ARHGAP5: variants seen among roughly 807,000 people sequenced by gnomAD.
ARHGAP5 encodes the protein rho GTPase-activating protein 5.
Under a neutral mutation model 116.6 loss-of-function variants are expected in ARHGAP5, and 23 were observed. The ratio of observed to expected loss-of-function variants is 0.20; its 90% CI spans 0.14 to 0.28. The LOEUF (loss-of-function observed/expected upper bound fraction) is 0.28, where lower values mean the gene tolerates loss of function less well. Among genes scored for constraint, ARHGAP5 ranks in the 10% least tolerant of loss-of-function variants. The pLI is 1.00. For missense variants in ARHGAP5, 1,405 were observed against 1,774.8 expected, an observed-to-expected ratio of 0.79 and a Z score of 3.74; for synonymous variants, 574 against 602.0, an observed-to-expected ratio of 0.95 and a Z score of 0.68.
chr14:32,125,191 G>T (rs1880083993), intron 3 of ARHGAP5, among the ~76,000 whole-genome samples: 1 of 152,100 alleles, frequency 6.6e-6, no homozygotes, highest in South Asian at 2.1e-4. Flanking sequence ...CCAGTCCCTG[G>T]CAGTAACCAA....
At chr14:32,115,833 C>T (rs1279405089) in intron 2 of ARHGAP5, among the ~76,000 whole-genome samples, 1 of 137,914 alleles carries the variant, frequency 7.3e-6, no homozygotes, top group Non-Finnish European at 1.5e-5. Flanking sequence ...AAAAAATTAG[C>T]TGGGCTTGGT....
intron 2 of ARHGAP5, among the ~76,000 whole-genome samples, chr14:32,094,672 A>G (rs903710740): frequency 8.6e-5 from 13 of 151,978 alleles, no homozygotes; most frequent in Admixed American, 6.6e-4. Context: ...TAATTTTTCC[A>G]TTTGTAATCA....
intron 2 of ARHGAP5, among the ~76,000 whole-genome samples, chr14:32,102,249 G>C (rs1335635798): frequency 6.6e-6 from 1 of 152,228 alleles, no homozygotes; most frequent in East Asian, 1.9e-4. Flanking sequence ...GTGTTCAAAA[G>C]AATGAGAAAG....
At chr14:32,149,587 A>AT (rs1202544889) in intron 4 of ARHGAP5, among the ~76,000 whole-genome samples, 1 of 151,964 alleles carries the variant, frequency 6.6e-6, no homozygotes, top group Non-Finnish European at 1.5e-5. Context: ...CCTGGCCAAC[A>AT]TGGTGAAACC....
intron 4 of ARHGAP5, among the ~76,000 whole-genome samples, chr14:32,149,689 T>C (rs954297595): frequency 8.6e-5 from 13 of 151,992 alleles, no homozygotes; most frequent in African/African-American, 3.1e-4. Context: ...GGAGAATTGC[T>C]TTGAACCCGG....
At chr14:32,077,664 G>A (rs1246198715) in intron 1 of ARHGAP5, among the ~76,000 whole-genome samples, 1 of 152,102 alleles carries the variant, frequency 6.6e-6, no homozygotes, top group East Asian at 1.9e-4. Context: ...CAGAGAGGCC[G>A]GGGGAGGGGG....
At chr14:32,127,714 G>A (rs554388031) in intron 3 of ARHGAP5, among the ~76,000 whole-genome samples, 211 of 152,200 alleles carry the variant, frequency 1.4e-3, no homozygotes, top group African/African-American at 4.6e-3. Context: ...GGTGGCGGCC[G>A]GGCAGAGGGG....
intron 3 of ARHGAP5, 114 bp downstream of exon 3, chr14:32,117,401 T>C (rs1226082132): frequency 7.3e-6 from 7 of 964,974 alleles, no homozygotes; most frequent in Non-Finnish European, 1.0e-5. Flanking sequence ...TAGGATTATT[T>C]AGTATTAACT....
At chr14:32,118,211 A>T (rs1250460537) in intron 3 of ARHGAP5, among the ~76,000 whole-genome samples, 1 of 152,182 alleles carries the variant, frequency 6.6e-6, no homozygotes, top group African/African-American at 2.4e-5. Context: ...AGTCTTAATG[A>T]GAGGGTAGAA....
chr14:32,093,085 A>G lies in ARHGAP5; in HGVS notation c.2416A>G (p.Ser806Gly). Residue 806 changes from serine to glycine, a missense_variant, in exon 2 of 7, where the codon AGT becomes GGT. Coordinates refer to ENST00000345122, the MANE Select transcript of ARHGAP5 (RefSeq NM_001030055.2). ...ACCCTTCCTTGATTCTCATTCTTGC[A>G]GTGCTGCTCAAGCTGGACAGAATAA... ...LSPFLDSHSC[S>G]AAQAGQNNSL... The G allele has an allele frequency of 4.3e-6, 7 of 1,614,018 alleles. No homozygotes were observed. Among genetic ancestry groups the G allele is most frequent in the Non-Finnish European group, 5.9e-6 (7 of 1,179,936 alleles).
chr14:32,132,033 C>T (rs984003438), intron 3 of ARHGAP5, among the ~76,000 whole-genome samples: 24 of 152,036 alleles, frequency 1.6e-4, no homozygotes, highest in Admixed American at 8.5e-4. Context: ...TGAATAGTGC[C>T]GCAATAAACA....
chr14:32,133,792 AG>A lies in ARHGAP5; in HGVS notation c.3866-12468del, dbSNP rs773459669. 9.9e-5 allele frequency among the ~76,000 whole-genome samples: 15 copies of A among 152,206 alleles called. 1 individual carries two copies. Among genetic ancestry groups the A allele is most frequent in the Admixed American group, 5.2e-4 (8 of 15,282 alleles). On this transcript the variant is annotated intron_variant, in intron 3 of 6. Transcript: ENST00000345122. Reference sequence around the variant, plus strand: ...AATTTATTGAGAGTTTTTAGCATGAAGGGTTTTTGAATTTTGTCAAAGGCCT... The same window carrying A: ...AATTTATTGAGAGTTTTTAGCATGAAGGTTTTTGAATTTTGTCAAAGGCCT...
intron 3 of ARHGAP5, among the ~76,000 whole-genome samples, chr14:32,139,587 C>G (rs943542403): frequency 7.9e-5 from 12 of 151,974 alleles, no homozygotes; most frequent in Admixed American, 2.6e-4. Flanking sequence ...TAATTGGAGT[C>G]TTCTCTTTTT....
intron 1 of ARHGAP5, among the ~76,000 whole-genome samples, chr14:32,079,404 AT>A (rs1310658786): frequency 6.6e-6 from 1 of 152,142 alleles, no homozygotes; most frequent in Admixed American, 6.5e-5. Context: ...GACCTTAGCA[AT>A]TTTTAAAATG....
chr14:32,093,637 C>T lies in ARHGAP5; in HGVS notation c.2968C>T (p.Pro990Ser). The T allele has an allele frequency of 1.2e-6, 2 of 1,613,848 alleles. No individual in the cohort carries two copies. The highest frequency in any genetic ancestry group is 1.7e-6 in the Non-Finnish European group (2 of 1,179,894). ...DSDDDTEAPP[P>S]YSPIGDDVQL... ...AGATGATGACACAGAAGCACCACCT[C>T]CTTATAGTCCAATTGGGGATGATGT... Residue 990 changes from proline to serine, a missense_variant, in exon 2 of 7, where the codon CCT becomes TCT. By Grantham distance (74) the Pro-to-Ser change is moderately conservative. Coordinates refer to ENST00000345122, the MANE Select transcript of ARHGAP5 (RefSeq NM_001030055.2).
rs1225920766 is a variant in ARHGAP5, at chr14:32,159,138, A to G, written c.*4190A>G. On this transcript the variant is annotated 3_prime_UTR_variant, in exon 7 of 7. Transcript: ENST00000345122. ...ACCAATGATAATTAGCATTTTAGTT[A>G]ATACTAAATGCATAAAATTATAACC... 1.3e-5 allele frequency: 2 copies of G among 152,128 alleles called. No homozygotes were observed. Among genetic ancestry groups the G allele is most frequent in the Non-Finnish European group, 2.9e-5 (2 of 67,978 alleles). The allele number at this position is 152,128 out of a possible 1,614,324, so 9.4% of individuals were successfully genotyped here.
At chr14:32,152,333 G>A in intron 5 of ARHGAP5, 90 bp from the exon 6 acceptor site, 1 of 860,876 alleles carries the variant, frequency 1.2e-6, no homozygotes. Context: ...ACACATTCTT[G>A]ACTGTTATAG....
chr14:32,077,575 G>A, intron 1 of ARHGAP5, 140 bp downstream of exon 1: 1 of 555,242 alleles, frequency 1.8e-6, no homozygotes, highest in East Asian at 3.3e-5. Context: ...GCCGCCGAGG[G>A]GAGCCTGGCG....
intron 3 of ARHGAP5, among the ~76,000 whole-genome samples, chr14:32,127,165 T>A (rs903700768): frequency 1.5e-4 from 22 of 143,794 alleles, no homozygotes; most frequent in East Asian, 8.1e-4. Context: ...TCCTGGCTGA[T>A]TTTTTTTTTT....
Sources: allele counts gnomAD v4.1 joint callset (sites outside exome capture counted in the v4.1 genomes callset), GRCh38; gene constraint gnomAD v4.1.1; transcripts MANE v1.5; gene names NCBI Gene and HGNC (gene_info 2026-07-23, HGNC 2026-07-21).